The following IQCM variants were observed in gnomAD, a reference collection of about 807,000 sequenced individuals.
IQCM encodes the protein IQ motif containing M.
A neutral mutation model predicts 57.6 loss-of-function variants in IQCM; 45 were observed. The observed-to-expected ratio is 0.78, with a 90% CI of 0.62 to 1.00. IQCM has a LOEUF of 1.00. Among genes scored for constraint, IQCM ranks in the 50% least tolerant of loss-of-function variants. The pLI is 0.00. For synonymous variants in IQCM, 148 were observed against 158.9 expected (o/e 0.93, Z 0.51); for missense variants, 468 against 511.6 (o/e 0.91, Z 0.82).
chr4:149,357,843 T>TG, intron 13 of IQCM, among the ~76,000 whole-genome samples: 1 of 152,352 alleles, frequency 6.6e-6, no homozygotes, highest in Admixed American at 6.5e-5. Flanking sequence ...CTTGTACCTC[T>TG]GGTAGAATTC....
At chr4:149,560,172 C>A (rs1749986082) in intron 10 of IQCM, among the ~76,000 whole-genome samples, 1 of 152,108 alleles carries the variant, frequency 6.6e-6, no homozygotes, top group South Asian at 2.1e-4. Flanking sequence ...CTGTTTTGTT[C>A]TTTTGAGATA....
chr4:149,717,211 T>C (rs1765078161), intron 5 of IQCM, among the ~76,000 whole-genome samples: 1 of 152,190 alleles, frequency 6.6e-6, no homozygotes, highest in South Asian at 2.1e-4. Context: ...TTCTAGATGC[T>C]CATACTTGAG....
chr4:149,353,770 G>C (rs1422987181), intron 13 of IQCM, among the ~76,000 whole-genome samples: 1 of 152,108 alleles, frequency 6.6e-6, no homozygotes, highest in Non-Finnish European at 1.5e-5. Flanking sequence ...TTGGTTACTA[G>C]AGGTGGAGGA....
At chr4:149,410,444 T>G (rs755191477) in intron 13 of IQCM, among the ~76,000 whole-genome samples, 1 of 149,332 alleles carries the variant, frequency 6.7e-6, no homozygotes, top group Non-Finnish European at 1.5e-5. Context: ...GTGTGTGTAT[T>G]TAAATATTTT....
At chr4:149,735,190 A>C (rs1766822951) in intron 4 of IQCM, among the ~76,000 whole-genome samples, 186 bp downstream of exon 4, 1 of 152,196 alleles carries the variant, frequency 6.6e-6, no homozygotes, top group African/African-American at 2.4e-5. Flanking sequence ...ACAACTAAAA[A>C]ATCTTATTTT....
At chr4:149,682,964 T>C (rs1276262753) in intron 6 of IQCM, among the ~76,000 whole-genome samples, 2 of 151,216 alleles carry the variant, frequency 1.3e-5, no homozygotes, top group Non-Finnish European at 3.0e-5. Context: ...GATTAGCATA[T>C]GGAATATATT....
intron 13 of IQCM, among the ~76,000 whole-genome samples, chr4:149,366,677 C>T (rs1168361228): frequency 6.6e-6 from 1 of 151,612 alleles, no homozygotes; most frequent in East Asian, 2.0e-4. Context: ...TGAAGAGCTA[C>T]ACCAAGCCAA....
chr4:149,624,191 T>C (rs905505697), intron 7 of IQCM, among the ~76,000 whole-genome samples: 2 of 151,932 alleles, frequency 1.3e-5, no homozygotes, highest in Non-Finnish European at 2.9e-5. Context: ...CATGTGCTCC[T>C]GGATTAGAAC....
At chr4:149,728,181 A>G (rs1373217917) in intron 5 of IQCM, among the ~76,000 whole-genome samples, 2 of 152,190 alleles carry the variant, frequency 1.3e-5, no homozygotes, top group African/African-American at 4.8e-5. Flanking sequence ...AAGTTCTTCC[A>G]TGTGCCCCAC....
Position 149,369,033 on chromosome 4 carries a change from T to TGTATATATATATATATATACAC in IQCM, c.1391-16968_1391-16967insGTGTATATATATATATATATAC, listed in dbSNP as rs1560780062. On this transcript the variant is annotated intron_variant, in intron 13 of 13. Transcript: ENST00000636793. ...ACACGTGTATATATATATATATACA[T>TGTATATATATATATATATACAC]GTGTATATATATATATGTATTTTTT... Among the ~76,000 whole-genome samples the TGTATATATATATATATATACAC allele has an allele frequency of 1.3e-3, 73 of 56,946 alleles. 6 individuals carry two copies. The highest frequency in any genetic ancestry group is 2.0e-3 in the Non-Finnish European group (54 of 27,226). 37.4% of individuals were successfully genotyped at this position (56,946 alleles called of 152,430 possible). A position where few individuals can be genotyped will look rare whatever the true frequency, so the allele number is the denominator to read the frequency against.
At chr4:149,674,814 C>A (rs1019826025) in intron 7 of IQCM, among the ~76,000 whole-genome samples, 1 of 152,004 alleles carries the variant, frequency 6.6e-6, no homozygotes, top group Non-Finnish European at 1.5e-5. Flanking sequence ...AGCCTATTAA[C>A]GGTACTTAAA....
intron 12 of IQCM, among the ~76,000 whole-genome samples, chr4:149,455,866 T>C (rs997374637): frequency 3.3e-5 from 5 of 151,830 alleles, no homozygotes; most frequent in African/African-American, 9.7e-5. Flanking sequence ...TCCTAGCTAC[T>C]AGGGAGATTG....
chr4:149,590,963 C>T (rs1229435202), intron 8 of IQCM, among the ~76,000 whole-genome samples: 2 of 152,094 alleles, frequency 1.3e-5, no homozygotes, highest in Non-Finnish European at 2.9e-5. Context: ...TCTTTAAAAA[C>T]CTGGTCTTCC....
intron 12 of IQCM, among the ~76,000 whole-genome samples, chr4:149,493,690 TGAGAATGTGTGCATAATAA>T (rs1260008654): frequency 6.6e-6 from 1 of 152,070 alleles, no homozygotes; most frequent in Non-Finnish European, 1.5e-5. Context: ...CTCTGCAGTC[TGAGAATGTGTGCATAATAA>T]GAGAATGATT....
At chr4:149,747,365 A>G (rs184682960) in intron 2 of IQCM, among the ~76,000 whole-genome samples, 54 of 152,332 alleles carry the variant, frequency 3.5e-4, no homozygotes, top group African/African-American at 9.9e-4. Context: ...AAAATGCCAT[A>G]GTATTTGCAT....
At chr4:149,542,456 A>G (rs1337669394) in intron 12 of IQCM, among the ~76,000 whole-genome samples, 3 of 152,112 alleles carry the variant, frequency 2.0e-5, no homozygotes, top group Non-Finnish European at 4.4e-5. Flanking sequence ...AGTAGAATGG[A>G]AAAAGCATTC....
chr4:149,513,299 T>C (rs1055550197), intron 12 of IQCM, among the ~76,000 whole-genome samples: 1 of 152,316 alleles, frequency 6.6e-6, no homozygotes, highest in African/African-American at 2.4e-5. Flanking sequence ...ATCCTATTTA[T>C]AGTGCCCAAG....
intron 7 of IQCM, among the ~76,000 whole-genome samples, chr4:149,639,197 CAGG>C (rs1757974116): frequency 6.6e-6 from 1 of 151,332 alleles, no homozygotes; most frequent in East Asian, 2.0e-4. Context: ...GAGGCCAAGA[CAGG>C]AGGATCGCTT....
At chr4:149,466,754 T>C (rs1011794858) in intron 12 of IQCM, among the ~76,000 whole-genome samples, 1 of 152,158 alleles carries the variant, frequency 6.6e-6, no homozygotes, top group African/African-American at 2.4e-5. Context: ...ATACCTTGGA[T>C]TGGCTAATTT....
Sources: allele counts gnomAD v4.1 joint callset (sites outside exome capture counted in the v4.1 genomes callset), GRCh38; gene constraint gnomAD v4.1.1; transcripts MANE v1.5; gene names NCBI Gene and HGNC (gene_info 2026-07-23, HGNC 2026-07-21).